The following NRG4 variants were observed in gnomAD, a reference collection of about 807,000 sequenced individuals.
NRG4 encodes neuregulin 4, also known as pro-neuregulin-4, membrane-bound isoform.
A neutral mutation model predicts 15.0 loss-of-function variants in NRG4; 10 were observed. The observed-to-expected ratio is 0.67, with a 90% CI of 0.41 to 1.13. The LOEUF (loss-of-function observed/expected upper bound fraction) is 1.13, where lower values mean the gene tolerates loss of function less well. Among genes scored for constraint, NRG4 ranks in the 50% most tolerant of loss-of-function variants. NRG4 has a pLI of 0.00. For missense variants in NRG4, 139 were observed against 140.2 expected, an observed-to-expected ratio of 0.99 and a Z score of 0.04; for synonymous variants, 41 against 50.1, an observed-to-expected ratio of 0.82 and a Z score of 0.77.
At chr15:76,000,985 A>ATTATTT (rs111566208) in intron 3 of NRG4, among the ~76,000 whole-genome samples, 7,390 of 152,074 alleles carry the variant, frequency 0.049, 344 homozygotes, top group African/African-American at 0.12. Context: ...ATTTTTCTTA[A>ATTATTT]TTATTTTTAT....
intron 3 of NRG4, among the ~76,000 whole-genome samples, chr15:75,988,085 CT>C (rs2033861891): frequency 6.6e-6 from 1 of 152,188 alleles, no homozygotes; most frequent in Non-Finnish European, 1.5e-5. Context: ...GTGAACCAAG[CT>C]TTGTAACAGT....
chr15:75,973,552 G>A (rs1181372654), intron 3 of NRG4, among the ~76,000 whole-genome samples: 1 of 152,102 alleles, frequency 6.6e-6, no homozygotes, highest in Non-Finnish European at 1.5e-5. Flanking sequence ...TCAATACCTA[G>A]CTCATTGAGA....
In NRG4 at chr15:75,977,449, T is replaced by G. The variant is rs1265532948; in HGVS notation, c.105-15475A>C. Among the ~76,000 whole-genome samples the G allele has an allele frequency of 2.6e-5, 4 of 152,132 alleles. No homozygotes were observed. The highest frequency in any genetic ancestry group is 4.4e-5 in the Non-Finnish European group (3 of 68,014). Reference sequence around the variant, plus strand: ...CTTGAAATCCAGGGCCCTGGTGGTGTAGGCACCCGAGGGAATCTCCTGGTC... The same window carrying G: ...CTTGAAATCCAGGGCCCTGGTGGTGGAGGCACCCGAGGGAATCTCCTGGTC... On this transcript the variant is annotated intron_variant, in intron 3 of 5. Transcript: ENST00000394907. This position sits in a 1 kb window ranked among gnomAD's most constrained non-coding sequence, Gnocchi z 4.9.
intron 2 of NRG4, among the ~76,000 whole-genome samples, chr15:76,053,946 T>C (rs191463033): frequency 1.3e-5 from 2 of 151,246 alleles, no homozygotes; most frequent in Admixed American, 6.6e-5. Context: ...ACGTGAACTG[T>C]GTAGCCAAAG....
At chr15:75,959,486 ATC>A (rs2032412140) in intron 4 of NRG4, among the ~76,000 whole-genome samples, 4 of 151,640 alleles carry the variant, frequency 2.6e-5, no homozygotes, top group African/African-American at 9.7e-5. Flanking sequence ...AATAAATATT[ATC>A]TATTTAATCT....
intron 3 of NRG4, among the ~76,000 whole-genome samples, chr15:75,980,332 G>A (rs1439876691): frequency 6.6e-6 from 1 of 151,284 alleles, no homozygotes; most frequent in Non-Finnish European, 1.5e-5. Flanking sequence ...AATGTTGGTG[G>A]GTTTAAAAAT....
rs547786880 is a variant in NRG4, at chr15:76,004,675, CA to C, written c.104+4524del. 5.6e-3 allele frequency among the ~76,000 whole-genome samples: 824 copies of C among 148,162 alleles called. 7 individuals carry two copies. The highest frequency in any genetic ancestry group is 0.014 in the Middle Eastern group (4 of 284). ...CAAAAGACAGTAAAATAGAAAATAACAAAAAAGTGATAAGGCATATAGAAAA... is the reference window on the plus strand; with the variant it reads ...CAAAAGACAGTAAAATAGAAAATAACAAAAAGTGATAAGGCATATAGAAAA... On this transcript the variant is annotated intron_variant, in intron 3 of 5. Transcript: ENST00000394907.
At chr15:75,984,420 A>T in intron 3 of NRG4, among the ~76,000 whole-genome samples, 1 of 152,152 alleles carries the variant, frequency 6.6e-6, no homozygotes, top group South Asian at 2.1e-4. Context: ...GGATGAAGAA[A>T]ATGTGGCACA....
intron 3 of NRG4, among the ~76,000 whole-genome samples, chr15:75,996,523 T>C (rs1487428304): frequency 6.6e-6 from 1 of 152,134 alleles, no homozygotes; most frequent in Non-Finnish European, 1.5e-5. Flanking sequence ...AAGAACACAC[T>C]TTTGAAAGGT....
At chr15:76,001,967 C>T (rs1177735971) in intron 3 of NRG4, among the ~76,000 whole-genome samples, 1 of 152,126 alleles carries the variant, frequency 6.6e-6, no homozygotes, top group Non-Finnish European at 1.5e-5. Context: ...AAGTGCGTAA[C>T]TTTCAGAGTG....
In NRG4 at chr15:75,961,871, C is replaced by A. The variant is rs748196429; in HGVS notation, c.208G>T (p.Val70Phe). The A allele has an allele frequency of 6.2e-7, 1 of 1,613,580 alleles. No individual in the cohort carries two copies. Among genetic ancestry groups the A allele is most frequent in the Non-Finnish European group, 8.5e-7 (1 of 1,179,552 alleles). Reference protein sequence around the residue: ...NLFEAFVALAVLVTLIIGAFY... With the variant: ...NLFEAFVALAFLVTLIIGAFY... ...GCTCCAATGATAAGTGTTACTAGGA[C>A]CGCCAATGCCACAAAAGCTTCAAAC... The change falls in exon 4 of 6, where the codon GTC becomes TTC. Residue 70 changes from valine to phenylalanine, a missense_variant. Physicochemically the swap from Val to Phe is conservative, Grantham distance 50. Coordinates refer to ENST00000394907, the MANE Select transcript of NRG4 (RefSeq NM_138573.4).
At chr15:76,050,437 GTTTTTTTTTTT>G (rs71444951) in intron 4 of NRG4, among the ~76,000 whole-genome samples, 3 of 91,878 alleles carry the variant, frequency 3.3e-5, no homozygotes, top group East Asian at 3.5e-4. Context: ...CCGAGCCTTC[GTTTTTTTTTTT>G]TTTTTTTTTT....
At chr15:76,003,911 C>T (rs2034502554) in intron 3 of NRG4, among the ~76,000 whole-genome samples, 1 of 152,038 alleles carries the variant, frequency 6.6e-6, no homozygotes, top group South Asian at 2.1e-4. Context: ...TATCACTTGA[C>T]CTGTTCTGCA....
chr15:75,960,668 A>C (rs946108757), intron 4 of NRG4, among the ~76,000 whole-genome samples: 4 of 152,170 alleles, frequency 2.6e-5, no homozygotes, highest in Admixed American at 6.5e-5. Flanking sequence ...GTCTATGATC[A>C]AGGCAGTCAC....
rs2141750376 is a variant in NRG4 at position 75,941,772 on chromosome 15, ATTGT to A, written c.*1862_*1865del. On this transcript the variant is annotated 3_prime_UTR_variant, in exon 6 of 6. Coordinates refer to ENST00000394907, the MANE Select transcript of NRG4 (RefSeq NM_138573.4). ...AGGGAGCAGGAGGGAATGGGAATTT[ATTGT>A]TTAAGGGGCACAGAGATTAGTGTGG... The A allele has an allele frequency of 6.6e-6, 1 of 152,256 alleles. No individual in the cohort carries two copies. The highest frequency in any genetic ancestry group is 1.9e-4 in the East Asian group (1 of 5,190). 9.4% of individuals were successfully genotyped at this position (152,256 alleles called of 1,614,324 possible). A position where few individuals can be genotyped will look rare whatever the true frequency, so the allele number is the denominator to read the frequency against.
chr15:76,008,708 CTTT>C (rs2141906210), intron 3 of NRG4, among the ~76,000 whole-genome samples: 1 of 152,214 alleles, frequency 6.6e-6, no homozygotes, highest in Admixed American at 6.5e-5. Flanking sequence ...AGATACCCTT[CTTT>C]TTTATTTGCT....
chr15:76,038,576 C>A (rs754640067), intron 4 of NRG4, among the ~76,000 whole-genome samples: 5 of 152,204 alleles, frequency 3.3e-5, no homozygotes, highest in African/African-American at 4.8e-5. Flanking sequence ...GGTTTGAAAG[C>A]CCACTCAGCC....
At chr15:76,005,679 GAA>G (rs776504828) in intron 3 of NRG4, 3,296 of 149,754 alleles carry the variant, frequency 0.022, no homozygotes, top group Middle Eastern at 0.036. Flanking sequence ...CTCTGTCTCA[GAA>G]AAAAAAAAAA....
chr15:75,944,974 TGTCTTTATAAA>T (rs1293793409), intron 5 of NRG4, among the ~76,000 whole-genome samples: 1 of 152,066 alleles, frequency 6.6e-6, no homozygotes, highest in Non-Finnish European at 1.5e-5. Flanking sequence ...TTAACAAGTA[TGTCTTTATAAA>T]GTCAAGCTGT....
Sources: gnomAD v4.1 joint callset for allele counts (sites outside exome capture counted in the v4.1 genomes callset) on GRCh38, gnomAD v4.1.1 for gene constraint, Gnocchi (gnomAD v3.1) non-coding constraint, MANE v1.5 for transcripts, NCBI Gene and HGNC (gene_info 2026-07-23, HGNC 2026-07-21) for gene names.